TRPA1: variants seen among roughly 807,000 people sequenced by gnomAD.
TRPA1 encodes the protein ankyrin-like with transmembrane domains 1.
TRPA1 carries 129 observed loss-of-function variants against 131.3 expected under a neutral mutation model. The observed-to-expected ratio is 0.98, with a 90% CI of 0.85 to 1.14. The LOEUF is 1.14. Ranked by LOEUF, TRPA1 falls within the 50% of genes most tolerant of loss-of-function variation. TRPA1 has a pLI of 0.00. For missense variants in TRPA1, 1,304 were observed against 1,354.2 expected (o/e 0.96, Z 0.58); for synonymous variants, 441 against 451.7 (o/e 0.98, Z 0.30).
chr8:72,058,587 G>C (rs1805731754), intron 8 of TRPA1, among the ~76,000 whole-genome samples: 1 of 152,212 alleles, frequency 6.6e-6, no homozygotes, highest in Admixed American at 6.5e-5. Flanking sequence ...TCCACGGTCA[G>C]TGAGGCTCTG....
chr8:72,034,496 C>A, intron 21 of TRPA1, 119 bp from the exon 22 acceptor site: 1 of 572,818 alleles, frequency 1.7e-6, no homozygotes, highest in Non-Finnish European at 2.9e-6. Flanking sequence ...ATCACTGAGG[C>A]CAGTTATTTT....
At chr8:72,087,027 AT>A in the TRPA1 span, among the ~76,000 whole-genome samples, 1 of 151,992 alleles carries the variant, frequency 6.6e-6, no homozygotes, top group African/African-American at 2.4e-5. Context: ...CTTTCTTTTA[AT>A]TTTTTTTATA....
In TRPA1 at chr8:72,062,780, A is replaced by G. The variant is rs754208559; in HGVS notation, c.807+19T>C. On this transcript the variant is annotated intron_variant, in intron 6 of 26. Coordinates refer to ENST00000262209, the MANE Select transcript of TRPA1 (RefSeq NM_007332.3). ...GACAACTCTAAGATAAAAGTGTTAT[A>G]TAGAATATGAAGAGTTACCTCCACT... 12 of 1,612,496 alleles carry G rather than the reference A, an allele frequency of 7.4e-6. No individual in the cohort carries two copies. The highest frequency in any genetic ancestry group is 6.7e-5 in the East Asian group (3 of 44,856).
Position 72,062,866 on chromosome 8 carries a change from A to G in TRPA1, c.740T>C (p.Val247Ala), listed in dbSNP as rs370503031. ...NGKATPLHLA[V>A]QNGDLEMIKM... ...GATCATTTCCAAGTCACCATTTTGCACAGCCAGGTGGAGAGGGGTGGCTTT... is the reference window on the plus strand; with the variant it reads ...GATCATTTCCAAGTCACCATTTTGCGCAGCCAGGTGGAGAGGGGTGGCTTT... Residue 247 changes from valine to alanine, a missense_variant, in exon 6 of 27, where the codon GTG becomes GCG. Val to Ala is a moderately conservative substitution (Grantham distance 64). Coordinates refer to ENST00000262209, the MANE Select transcript of TRPA1 (RefSeq NM_007332.3). The G allele has an allele frequency of 6.2e-7, 1 of 1,613,938 alleles. No homozygotes were observed. Among genetic ancestry groups the G allele is most frequent in the Non-Finnish European group, 8.5e-7 (1 of 1,179,992 alleles).
chr8:72,046,670 G>T, intron 16 of TRPA1, 62 bp from the exon 17 acceptor site: 1 of 848,142 alleles, frequency 1.2e-6, no homozygotes, highest in Non-Finnish European at 1.9e-6. Context: ...AATCCCCAAA[G>T]TAATTCTTGA....
chr8:72,055,985 T>A, intron 10 of TRPA1, 130 bp from the exon 11 acceptor site: 4 of 731,132 alleles, frequency 5.5e-6, no homozygotes, highest in Admixed American at 2.2e-5. Context: ...AAATTGTAAA[T>A]AACCTAAAGG....
Position 72,029,847 on chromosome 8 carries a change from T to C in TRPA1, c.2937+54A>G, listed in dbSNP as rs553390099. 9.0e-6 allele frequency: 14 copies of C among 1,548,680 alleles called. No homozygotes were observed. The African/African-American group carries it at 1.1e-4, about 12-fold the overall frequency. On this transcript the variant is annotated intron_variant, in intron 24 of 26. Coordinates refer to ENST00000262209, the MANE Select transcript of TRPA1 (RefSeq NM_007332.3). Reference sequence around the variant, plus strand: ...TTTGACTTGTAATATTTTTAACTTATTGTGGGTTTACCAGAAGATAACACT... The same window carrying C: ...TTTGACTTGTAATATTTTTAACTTACTGTGGGTTTACCAGAAGATAACACT...
At chr8:72,033,877 A>G in intron 22 of TRPA1, 51 bp from the exon 23 acceptor site, 1 of 1,555,610 alleles carries the variant, frequency 6.4e-7, no homozygotes, top group Non-Finnish European at 8.9e-7. Flanking sequence ...CTACAATGAA[A>G]AAGTGTTTCC....
rs1303066354 is a variant in TRPA1, at chr8:72,036,461, G to C, written c.2386-4C>G. 6.2e-7 allele frequency: 1 copy of C among 1,610,954 alleles called. No individual in the cohort carries two copies. On this transcript the variant is annotated splice_polypyrimidine_tract_variant and splice_region_variant and intron_variant, in intron 20 of 26. Coordinates refer to ENST00000262209, the MANE Select transcript of TRPA1 (RefSeq NM_007332.3). ...TATCCATAAAATAATTCCTTTTCTG[G>C]GATAGAAAAGAATAAAAAATTACCA...
In TRPA1 at chr8:72,022,729, G is replaced by A; in HGVS notation, c.*177C>T. On this transcript the variant is annotated 3_prime_UTR_variant, in exon 27 of 27. Coordinates refer to ENST00000262209, the MANE Select transcript of TRPA1 (RefSeq NM_007332.3). ...AAGATATCCCCAATACATAGTGATTGGTAGAAAATATGAATAGAGGATAAA... is the reference window on the plus strand; with the variant it reads ...AAGATATCCCCAATACATAGTGATTAGTAGAAAATATGAATAGAGGATAAA... The A allele has an allele frequency of 1.5e-6, 1 of 682,898 alleles. No individual in the cohort carries two copies. Among genetic ancestry groups the A allele is most frequent in the Non-Finnish European group, 2.6e-6 (1 of 383,216 alleles). 42.3% of individuals were successfully genotyped at this position (682,898 alleles called of 1,614,324 possible).
chr8:72,023,312 G>A (rs1202306113), intron 26 of TRPA1, 196 bp from the exon 27 acceptor site: 2 of 646,256 alleles, frequency 3.1e-6, no homozygotes, highest in Non-Finnish European at 5.4e-6. Flanking sequence ...TACACTGTTA[G>A]TTCATGGCTA....
intron 23 of TRPA1, 132 bp downstream of exon 23, chr8:72,033,512 G>C: frequency 2.2e-6 from 2 of 895,632 alleles, no homozygotes; most frequent in Non-Finnish European, 3.4e-6. Flanking sequence ...AGTGAGTGTT[G>C]AACGAATAGA....
intron 25 of TRPA1, among the ~76,000 whole-genome samples, chr8:72,024,860 G>C (rs890599458): frequency 3.3e-5 from 5 of 152,070 alleles, no homozygotes; most frequent in African/African-American, 1.2e-4. Flanking sequence ...TGTGGCGTTA[G>C]AATAAAGCCT....
chr8:72,046,350 C>G (rs1294007794), intron 17 of TRPA1, among the ~76,000 whole-genome samples, 163 bp downstream of exon 17: 1 of 151,440 alleles, frequency 6.6e-6, no homozygotes, highest in African/African-American at 2.4e-5. Flanking sequence ...CATTTTAGAA[C>G]CCAACTAGAA....
In TRPA1 at chr8:72,038,824, T is replaced by G. The variant is rs1245197223; in HGVS notation, c.2295+41A>C. The G allele has an allele frequency of 1.9e-6, 3 of 1,556,842 alleles. No individual in the cohort carries two copies. In the African/African-American group the frequency reaches 4.1e-5, roughly 21 times the overall value. On this transcript the variant is annotated intron_variant, in intron 19 of 26. Coordinates refer to ENST00000262209, the MANE Select transcript of TRPA1 (RefSeq NM_007332.3). ...AGTAGTCTTAAGAAAAAATACATTTTTTATAATCCTTTATTTTAGAAAGTT... is the reference window on the plus strand; with the variant it reads ...AGTAGTCTTAAGAAAAAATACATTTGTTATAATCCTTTATTTTAGAAAGTT...
chr8:72,038,227 A>G (rs934038827), intron 19 of TRPA1, among the ~76,000 whole-genome samples, 155 bp from the exon 20 acceptor site: 2 of 151,896 alleles, frequency 1.3e-5, no homozygotes, highest in African/African-American at 4.8e-5. Flanking sequence ...AACTGACACC[A>G]ATACTCATAT....
intron 8 of TRPA1, among the ~76,000 whole-genome samples, chr8:72,058,761 C>T (rs1181519736): frequency 6.6e-6 from 1 of 152,148 alleles, no homozygotes; most frequent in African/African-American, 2.4e-5. Flanking sequence ...TGATTGACAA[C>T]ACACACACGT....
At chr8:72,056,088 T>C in intron 10 of TRPA1, 1 of 564,302 alleles carries the variant, frequency 1.8e-6, no homozygotes. Flanking sequence ...TATTAAAGGA[T>C]CTGAGAGATC....
intron 17 of TRPA1, among the ~76,000 whole-genome samples, chr8:72,042,341 T>C (rs1812282348): frequency 6.6e-6 from 1 of 151,918 alleles, no homozygotes; most frequent in Non-Finnish European, 1.5e-5. Context: ...ATTAGGGAAA[T>C]GCAGTTTAAA....
Sources: gnomAD v4.1 joint callset for allele counts (sites outside exome capture counted in the v4.1 genomes callset) on GRCh38, gnomAD v4.1.1 for gene constraint, MANE v1.5 for transcripts, NCBI Gene and HGNC (gene_info 2026-07-23, HGNC 2026-07-21) for gene names.